MIB1: variants seen among roughly 807,000 people sequenced by gnomAD.
The protein encoded by MIB1 is MIB E3 ubiquitin protein ligase 1.
A neutral mutation model predicts 124.5 loss-of-function variants in MIB1; 278 were observed. That is an observed-to-expected ratio of 2.23 (90% confidence interval 2.02 to 2.47). MIB1 has a LOEUF of 2.47. Among genes scored for constraint, MIB1 ranks in the 30% most tolerant of loss-of-function variants. The pLI, the probability that MIB1 is intolerant of heterozygous loss-of-function variation, is 0.00. For missense variants in MIB1, 957 were observed against 1,254.4 expected (o/e 0.76, Z 3.58); for synonymous variants, 446 against 429.4 (o/e 1.04, Z -0.48).
At chr18:21,735,931 G>A (rs555598782), upstream of MIB1, among the ~76,000 whole-genome samples, 2 of 152,196 alleles carry the variant, frequency 1.3e-5, no homozygotes, top group African/African-American at 2.4e-5. Flanking sequence ...CTGGGGGAAG[G>A]GGCAGTTGTG....
rs2042331094 is a variant in MIB1 at position 21,867,879 on chromosome 18, A to G, written c.*3213A>G. On this transcript the variant is annotated 3_prime_UTR_variant, in exon 21 of 21. Transcript: ENST00000261537. ...TTAGTTAAATTCATGAACTAAGAGA[A>G]TTAGAGATGGGGTAGAGTAGGATCA... 6.6e-6 allele frequency: 1 copy of G among 152,462 alleles called. No homozygotes were observed. Among genetic ancestry groups the G allele is most frequent in the African/African-American group, 2.4e-5 (1 of 41,460 alleles). 9.4% of individuals were successfully genotyped at this position (152,462 alleles called of 1,614,324 possible).
At chr18:21,778,817 C>T (rs1422745541) in intron 5 of MIB1, among the ~76,000 whole-genome samples, 3 of 151,906 alleles carry the variant, frequency 2.0e-5, no homozygotes, top group Non-Finnish European at 2.9e-5. Flanking sequence ...AAGGAGAATG[C>T]ATAAAAAAAT....
At chr18:21,777,870 T>A (rs1281762639) in intron 4 of MIB1, among the ~76,000 whole-genome samples, 1 of 152,152 alleles carries the variant, frequency 6.6e-6, no homozygotes, top group Non-Finnish European at 1.5e-5. Context: ...ATTCAGACAT[T>A]CTAATTTTGA....
At chr18:21,820,697 C>T (rs1272098756) in intron 12 of MIB1, among the ~76,000 whole-genome samples, 1 of 152,184 alleles carries the variant, frequency 6.6e-6, no homozygotes, top group African/African-American at 2.4e-5. Flanking sequence ...TTTCCACATG[C>T]CAGCCTCTGC....
chr18:21,813,254 A>C (rs2041794959), intron 10 of MIB1, among the ~76,000 whole-genome samples: 1 of 151,706 alleles, frequency 6.6e-6, no homozygotes, highest in Admixed American at 6.6e-5. Flanking sequence ...GGAAGTTAGG[A>C]AGATTTTAAC....
chr18:21,809,815 T>C (rs1286650460), intron 10 of MIB1, among the ~76,000 whole-genome samples: 3 of 152,076 alleles, frequency 2.0e-5, no homozygotes, highest in Admixed American at 1.3e-4. Flanking sequence ...GGTGAAAGAC[T>C]GAAAACTTTT....
chr18:21,767,384 A>C (rs531141578), intron 2 of MIB1, among the ~76,000 whole-genome samples: 2 of 152,218 alleles, frequency 1.3e-5, no homozygotes, highest in Admixed American at 1.3e-4. Context: ...ACTCACTATC[A>C]AGAGAACAGC....
intron 13 of MIB1, among the ~76,000 whole-genome samples, chr18:21,839,314 A>G (rs921297071): frequency 3.9e-5 from 6 of 152,208 alleles, no homozygotes; most frequent in African/African-American, 1.2e-4. Context: ...AATCTTTGCT[A>G]TTAAAATTAC....
intron 16 of MIB1, among the ~76,000 whole-genome samples, chr18:21,848,619 G>T (rs1332881153): frequency 6.6e-6 from 1 of 152,180 alleles, no homozygotes; most frequent in Admixed American, 6.5e-5. Context: ...GTAGCTGTAG[G>T]TGGTCATATG....
intron 1 of MIB1, among the ~76,000 whole-genome samples, chr18:21,748,525 G>A (rs1345620216): frequency 2.0e-5 from 3 of 151,438 alleles, no homozygotes; most frequent in Non-Finnish European, 2.9e-5. Flanking sequence ...TGCCTCCTGG[G>A]CTCAAGCCAT....
chr18:21,742,008 C>G (rs1262300102), intron 1 of MIB1, among the ~76,000 whole-genome samples, 196 bp downstream of exon 1: 2 of 152,212 alleles, frequency 1.3e-5, no homozygotes, highest in African/African-American at 4.8e-5. Flanking sequence ...AAAAGACCCT[C>G]TACCCCCAAG....
At chr18:21,744,038 C>A (rs1476536064) in intron 1 of MIB1, among the ~76,000 whole-genome samples, 2 of 149,876 alleles carry the variant, frequency 1.3e-5, no homozygotes, top group Non-Finnish European at 3.0e-5. Flanking sequence ...GGATAGCCAA[C>A]CTTCATATGA....
chr18:21,844,192 A>C lies in MIB1; in HGVS notation c.2150A>C (p.Gln717Pro). The C allele has an allele frequency of 6.2e-7, 1 of 1,614,182 alleles. No individual in the cohort carries two copies. The highest frequency in any genetic ancestry group is 8.5e-7 in the Non-Finnish European group (1 of 1,180,028). ...CATCACACTTTGTCTCAGCTACGTCAGCTCCAAGATATGCAAGATGTGGGG... is the reference window on the plus strand; with the variant it reads ...CATCACACTTTGTCTCAGCTACGTCCGCTCCAAGATATGCAAGATGTGGGG... Reference protein sequence around the residue: ...LRHHTLSQLRQLQDMQDVGKV... With the variant: ...LRHHTLSQLRPLQDMQDVGKV... Residue 717 changes from glutamine to proline, a missense_variant, in exon 15 of 21, where the codon CAG becomes CCG. Physicochemically the swap from Gln to Pro is moderately conservative, Grantham distance 76. Transcript: ENST00000261537.
At chr18:21,778,265 A>G in intron 5 of MIB1, 96 bp downstream of exon 5, 1 of 848,492 alleles carries the variant, frequency 1.2e-6, no homozygotes, top group Admixed American at 2.6e-5. Flanking sequence ...GTTAATTACC[A>G]CTAAAGTTAC....
chr18:21,864,192 T>C (rs1172733260), intron 20 of MIB1, among the ~76,000 whole-genome samples: 1 of 152,052 alleles, frequency 6.6e-6, no homozygotes, highest in East Asian at 1.9e-4. Context: ...CTTACTGCAA[T>C]CTCTGCTGCC....
intron 1 of MIB1, among the ~76,000 whole-genome samples, chr18:21,742,276 CTTTTTT>C (rs573203298): frequency 7.3e-6 from 1 of 136,764 alleles, no homozygotes. Flanking sequence ...GTGGAGATGC[CTTTTTT>C]TTTTTTTTTT....
At chr18:21,801,034 A>C (rs955518998) in intron 9 of MIB1, among the ~76,000 whole-genome samples, 1 of 152,142 alleles carries the variant, frequency 6.6e-6, no homozygotes. Flanking sequence ...TAGTACTAAA[A>C]ATTTAAAGGA....
chr18:21,867,338 C>T lies in MIB1; in HGVS notation c.*2672C>T, dbSNP rs2042327950. Reference sequence around the variant, plus strand: ...GGATTTCCTCTCTGTATCCCTCACCCTACCATTTTCTCCTTTATTCTTCTA... The same window carrying T: ...GGATTTCCTCTCTGTATCCCTCACCTTACCATTTTCTCCTTTATTCTTCTA... On this transcript the variant is annotated 3_prime_UTR_variant, in exon 21 of 21. Transcript: ENST00000261537. 6.5e-6 allele frequency: 1 copy of T among 152,672 alleles called. No individual in the cohort carries two copies. Among genetic ancestry groups the T allele is most frequent in the African/African-American group, 2.4e-5 (1 of 41,568 alleles). 9.5% of individuals were successfully genotyped at this position (152,672 alleles called of 1,614,324 possible).
Position 21,867,795 on chromosome 18 carries a change from A to G in MIB1, c.*3129A>G, listed in dbSNP as rs1230989039. ...TTTACATAGTAGAAACATACTGTCTATGTGTTGCCCAATTGCTGTTTGTCC... is the reference window on the plus strand; with the variant it reads ...TTTACATAGTAGAAACATACTGTCTGTGTGTTGCCCAATTGCTGTTTGTCC... On this transcript the variant is annotated 3_prime_UTR_variant, in exon 21 of 21. Transcript: ENST00000261537. The G allele has an allele frequency of 6.6e-6, 1 of 152,580 alleles. No individual in the cohort carries two copies. The highest frequency in any genetic ancestry group is 1.5e-5 in the Non-Finnish European group (1 of 67,978). The allele number at this position is 152,580 out of a possible 1,614,324, so 9.5% of individuals were successfully genotyped here.
Sources: allele counts gnomAD v4.1 joint callset (sites outside exome capture counted in the v4.1 genomes callset), GRCh38; gene constraint gnomAD v4.1.1; transcripts MANE v1.5; gene names NCBI Gene and HGNC (gene_info 2026-07-23, HGNC 2026-07-21).